The following RBFOX1 variants were observed in gnomAD, a reference collection of about 807,000 sequenced individuals.
The protein encoded by RBFOX1 is RNA binding fox-1 homolog 1, also known as RNA binding protein fox-1 homolog 1.
RBFOX1 carries 8 observed loss-of-function variants against 57.7 expected under a neutral mutation model. That is an observed-to-expected ratio of 0.14 (90% CI 0.08 to 0.25). The LOEUF is 0.25. RBFOX1 is among the 10% of genes least tolerant of loss of function. The probability of loss-of-function intolerance (pLI) is 1.00; values close to 1 mark genes in which losing one functional copy is unlikely to be tolerated. For missense variants in RBFOX1, 611 were observed against 548.5 expected, an observed-to-expected ratio of 1.11 and a Z score of -1.14; for synonymous variants, 326 against 222.4, an observed-to-expected ratio of 1.47 and a Z score of -4.15.
intron 1 of RBFOX1, among the ~76,000 whole-genome samples, chr16:5,340,327 C>T (rs938866433): frequency 6.6e-5 from 10 of 152,270 alleles, no homozygotes; most frequent in African/African-American, 9.6e-5. Flanking sequence ...TATTTCCTCA[C>T]ATTAAGTTAG....
At chr16:7,593,015 A>G (rs543322738) in intron 7 of RBFOX1, among the ~76,000 whole-genome samples, 7 of 145,756 alleles carry the variant, frequency 4.8e-5, no homozygotes, top group East Asian at 4.0e-4. Context: ...AGGTTTTGCC[A>G]TGTTACTCAG....
rs1189830897 is a variant in RBFOX1 at position 6,665,342 on chromosome 16, G to A, written c.-16+10692G>A. Among the ~76,000 whole-genome samples, 6 of 152,292 alleles carry A rather than the reference G, an allele frequency of 3.9e-5. No homozygotes were observed. In the East Asian group the frequency reaches 5.8e-4, roughly 15 times the overall value. Reference sequence around the variant, plus strand: ...AAAAATGAGGGAGGGGGCTGGGCACGGTGGCTCACGCCTATAATGCCAGCC... The same window carrying A: ...AAAAATGAGGGAGGGGGCTGGGCACAGTGGCTCACGCCTATAATGCCAGCC... On this transcript the variant is annotated intron_variant, in intron 3 of 15. Coordinates refer to ENST00000550418, the MANE Select transcript of RBFOX1 (RefSeq NM_018723.4).
intron 4 of RBFOX1, among the ~76,000 whole-genome samples, chr16:7,071,878 A>G (rs2057406549): frequency 6.6e-6 from 1 of 151,970 alleles, no homozygotes; most frequent in Non-Finnish European, 1.5e-5. Context: ...ACAGCTCCTA[A>G]TTCAGTTGTT....
At chr16:6,180,903 A>G (rs991975048) in intron 1 of RBFOX1, among the ~76,000 whole-genome samples, 1 of 152,016 alleles carries the variant, frequency 6.6e-6, no homozygotes, top group Non-Finnish European at 1.5e-5. Flanking sequence ...AAGTTTTTAT[A>G]TTATCTATAT....
chr16:6,442,571 G>T (rs1188652089), intron 2 of RBFOX1, among the ~76,000 whole-genome samples: 3 of 150,272 alleles, frequency 2.0e-5, no homozygotes, highest in Admixed American at 6.6e-5. Context: ...AAAAAGAAAA[G>T]AAAAAAAAAG....
At chr16:6,843,816 G>T (rs989791875) in intron 3 of RBFOX1, among the ~76,000 whole-genome samples, 4 of 152,124 alleles carry the variant, frequency 2.6e-5, no homozygotes, top group Admixed American at 6.5e-5. Flanking sequence ...ACAAAAACAA[G>T]ATTTGACCCT....
chr16:5,753,364 GTTA>G (rs1172016033), intron 3 of RBFOX1, among the ~76,000 whole-genome samples: 2 of 152,060 alleles, frequency 1.3e-5, no homozygotes, highest in Non-Finnish European at 2.9e-5. Context: ...CTGATTAGTG[GTTA>G]TTATTTTACT....
At chr16:7,653,439 G>A (rs1367690918) in intron 11 of RBFOX1, among the ~76,000 whole-genome samples, 1 of 152,150 alleles carries the variant, frequency 6.6e-6, no homozygotes, top group African/African-American at 2.4e-5. Flanking sequence ...CCTGGAAGTC[G>A]AGGGTGCAGT....
At chr16:5,999,196 C>T (rs905879625) in intron 4 of RBFOX1, among the ~76,000 whole-genome samples, 29 of 152,146 alleles carry the variant, frequency 1.9e-4, no homozygotes, top group African/African-American at 7.0e-4. Context: ...CCAACACTGC[C>T]TTTCCATTAT....
intron 3 of RBFOX1, among the ~76,000 whole-genome samples, chr16:6,975,516 C>G (rs55801250): frequency 0.07 from 10,660 of 152,134 alleles, 436 homozygotes; most frequent in South Asian, 0.18. Context: ...ATCTGCCTAC[C>G]TTGGCCTCCC....
At chr16:7,549,455 A>C (rs1454835247) in intron 5 of RBFOX1, among the ~76,000 whole-genome samples, 3 of 152,194 alleles carry the variant, frequency 2.0e-5, no homozygotes, top group Non-Finnish European at 2.9e-5. Context: ...CTAATAGGAT[A>C]GATGTATATA....
At chr16:6,050,838 A>G (rs973209166) in intron 1 of RBFOX1, among the ~76,000 whole-genome samples, 1 of 151,638 alleles carries the variant, frequency 6.6e-6, no homozygotes, top group Non-Finnish European at 1.5e-5. Context: ...TAGTGACTGG[A>G]ATTTTTGGTT....
intron 4 of RBFOX1, among the ~76,000 whole-genome samples, chr16:7,444,054 A>G (rs1187513298): frequency 6.6e-6 from 1 of 152,210 alleles, no homozygotes; most frequent in Admixed American, 6.5e-5. Context: ...AGAGGTGCTA[A>G]TATACATGGA....
chr16:7,364,598 A>G (rs1485993231), intron 4 of RBFOX1, among the ~76,000 whole-genome samples: 2 of 151,722 alleles, frequency 1.3e-5, no homozygotes, highest in Non-Finnish European at 2.9e-5. Context: ...AACAAAAAAA[A>G]AAAACTTGGA....
chr16:6,889,284 A>T (rs746234775), intron 3 of RBFOX1, among the ~76,000 whole-genome samples: 1 of 152,188 alleles, frequency 6.6e-6, no homozygotes, highest in East Asian at 1.9e-4. Context: ...TGCTTTGACC[A>T]GTGAACTGTG....
intron 13 of RBFOX1, among the ~76,000 whole-genome samples, chr16:7,666,201 A>G (rs1299801131): frequency 2.6e-5 from 4 of 152,270 alleles, no homozygotes; most frequent in African/African-American, 4.8e-5. Context: ...GCTAAACCCA[A>G]TCACCAGTCC....
intron 3 of RBFOX1, among the ~76,000 whole-genome samples, chr16:5,714,388 C>A (rs1234566630): frequency 6.6e-6 from 1 of 152,182 alleles, no homozygotes; most frequent in Non-Finnish European, 1.5e-5. Flanking sequence ...ATACCAATGA[C>A]TGGTCACTGG....
chr16:6,443,693 G>T (rs1409169654), intron 2 of RBFOX1, among the ~76,000 whole-genome samples: 1 of 152,152 alleles, frequency 6.6e-6, no homozygotes, highest in Non-Finnish European at 1.5e-5. Context: ...AGAGAAAAAT[G>T]CTCTTTCATT....
intron 3 of RBFOX1, among the ~76,000 whole-genome samples, chr16:6,713,328 C>A (rs1436578386): frequency 6.6e-6 from 1 of 152,102 alleles, no homozygotes. Flanking sequence ...CAAAGTCTCA[C>A]GGGAGTCTTG....
Sources: allele counts gnomAD v4.1 joint callset (sites outside exome capture counted in the v4.1 genomes callset), GRCh38; gene constraint gnomAD v4.1.1; transcripts MANE v1.5; gene names NCBI Gene and HGNC (gene_info 2026-07-23, HGNC 2026-07-21).